ABCB1: variants seen among roughly 807,000 people sequenced by gnomAD.
ABCB1 encodes the protein ATP-dependent translocase ABCB1.
In ABCB1, 69 loss-of-function variants were observed where a neutral mutation model predicts 142.0. The ratio of observed to expected loss-of-function variants is 0.49; its 90% CI spans 0.40 to 0.59. The LOEUF (loss-of-function observed/expected upper bound fraction) is 0.59, where lower values mean the gene tolerates loss of function less well. Ranked by LOEUF, ABCB1 falls within the 20% of genes least tolerant of loss-of-function variation. The pLI, the probability that ABCB1 is intolerant of heterozygous loss-of-function variation, is 0.00. For synonymous variants in ABCB1, 532 were observed against 539.2 expected, an observed-to-expected ratio of 0.99 and a Z score of 0.18; for missense variants, 1,326 against 1,554.7, an observed-to-expected ratio of 0.85 and a Z score of 2.47.
intron 3 of ABCB1, 65 bp from the exon 4 acceptor site, chr7:87,585,745 T>C (rs1818724601): frequency 6.5e-7 from 1 of 1,548,108 alleles, no homozygotes; most frequent in Non-Finnish European, 8.8e-7. Context: ...GATTTGCTTT[T>C]CCTTCAAAAT....
At chr7:87,675,647 C>T (rs1585069307) in intron 1 of ABCB1, among the ~76,000 whole-genome samples, 1 of 54,700 alleles carries the variant, frequency 1.8e-5, no homozygotes, top group African/African-American at 9.8e-5. Context: ...ACTGAATATT[C>T]ACATGCAAAA....
chr7:87,695,227 G>C lies in ABCB1; in HGVS notation c.-331+17934C>G, dbSNP rs140554511. On this transcript the variant is annotated intron_variant, in intron 1 of 28. Coordinates refer to the ABCB1 transcript ENST00000265724. ...GATTTTAGTTAGAAAATGGATCAGT[G>C]TCATAATTTTACCTTCAAAGCTGGA... Among the ~76,000 whole-genome samples, 573 of 152,144 alleles carry C rather than the reference G, an allele frequency of 3.8e-3. 3 individuals carry two copies. Among genetic ancestry groups the C allele is most frequent in the African/African-American group, 0.013 (553 of 41,514 alleles).
intron 1 of ABCB1, among the ~76,000 whole-genome samples, chr7:87,626,099 T>TATC (rs199877301): frequency 1.0e-5 from 1 of 95,500 alleles, no homozygotes; most frequent in African/African-American, 5.3e-5. Flanking sequence ...TATATATATA[T>TATC]TGTCATATAT....
At chr7:87,675,466 T>A (rs539284573) in intron 1 of ABCB1, among the ~76,000 whole-genome samples, 77 of 152,044 alleles carry the variant, frequency 5.1e-4, no homozygotes, top group African/African-American at 1.8e-3. Flanking sequence ...TACAATGCTA[T>A]AGTAATTGAA....
At chr7:87,677,781 A>T (rs1014491846) in intron 1 of ABCB1, among the ~76,000 whole-genome samples, 3 of 152,190 alleles carry the variant, frequency 2.0e-5, no homozygotes, top group African/African-American at 7.2e-5. Context: ...TACAGCAAAA[A>T]ATCTTGAAAC....
At chr7:87,587,082 A>G (rs976460575) in intron 3 of ABCB1, among the ~76,000 whole-genome samples, 1 of 152,064 alleles carries the variant, frequency 6.6e-6, no homozygotes, top group Non-Finnish European at 1.5e-5. Context: ...GTTTTGGCAT[A>G]TTTTTTCATA....
intron 1 of ABCB1, among the ~76,000 whole-genome samples, chr7:87,637,880 C>A (rs187113681): frequency 6.6e-6 from 1 of 151,802 alleles, no homozygotes; most frequent in Admixed American, 6.6e-5. Context: ...CTTTTTCAAT[C>A]TTTATGGCTT....
rs1584911169 is a variant in ABCB1 at position 87,595,784 on chromosome 7, A to T, written c.99T>A (p.Thr33=). The stretch of plus-strand genomic sequence containing the variant: ...AACTCACCATTGAAAATACACTGAC[A>T]GTTGGTTTCTTTTCCTTCTTATCTT... The part of the protein sequence containing the change: ...SEKDKKEKKP[T]VSVFSMFRYS... The change falls in exon 3 of 28, where the codon ACT becomes ACA. Residue 33 remains threonine (T), a synonymous_variant. Coordinates refer to ENST00000622132, the MANE Select transcript of ABCB1 (RefSeq NM_001348946.2). The T allele has an allele frequency of 1.2e-6, 2 of 1,610,866 alleles. No individual in the cohort carries two copies. Among genetic ancestry groups the T allele is most frequent in the Non-Finnish European group, 1.7e-6 (2 of 1,177,630 alleles).
intron 23 of ABCB1, 73 bp from the exon 24 acceptor site, chr7:87,516,738 T>A: frequency 6.9e-7 from 1 of 1,452,732 alleles, no homozygotes; most frequent in Non-Finnish European, 9.3e-7. Context: ...CTCCTTTTTT[T>A]TTTTTTTTTT....
intron 1 of ABCB1, chr7:87,650,748 C>T (rs946943775): frequency 3.9e-5 from 33 of 845,140 alleles, no homozygotes; most frequent in Non-Finnish European, 5.6e-5. Flanking sequence ...CCCAAATTGC[C>T]TTCCTCCCAT....
chr7:87,543,477 C>T (rs538032787), intron 17 of ABCB1, among the ~76,000 whole-genome samples: 26 of 152,218 alleles, frequency 1.7e-4, no homozygotes, highest in African/African-American at 5.5e-4. Flanking sequence ...TGATCAATCT[C>T]TTTCTCCACA....
intron 1 of ABCB1, chr7:87,650,873 T>G (rs780988022): frequency 6.2e-7 from 1 of 1,613,332 alleles, no homozygotes; most frequent in East Asian, 2.2e-5. Flanking sequence ...CAATTGATGA[T>G]TCTTCTCCTG....
At chr7:87,590,043 A>G (rs1314581396) in intron 3 of ABCB1, among the ~76,000 whole-genome samples, 2 of 152,230 alleles carry the variant, frequency 1.3e-5, no homozygotes, top group Non-Finnish European at 2.9e-5. Context: ...ATTAGATGGC[A>G]AACATGACTT....
intron 1 of ABCB1, among the ~76,000 whole-genome samples, chr7:87,632,610 A>G (rs574699711): frequency 9.0e-4 from 137 of 152,264 alleles, no homozygotes; most frequent in African/African-American, 3.2e-3. Context: ...TATATTCTCT[A>G]TCGTTTAGAA....
rs527863841 is a variant in ABCB1, at chr7:87,626,861, C to T, written c.-330-25783G>A. On this transcript the variant is annotated intron_variant, in intron 1 of 28. Transcript: ENST00000265724. ...CGCAGTCTCCGCTCACTGCAACCTC[C>T]GCCTCCCGGGTTCAAACGATTCTCC... 1.7e-4 allele frequency among the ~76,000 whole-genome samples: 26 copies of T among 152,000 alleles called. 1 individual carries two copies. In the South Asian group the frequency reaches 4.2e-3, roughly 24 times the overall value.
intron 4 of ABCB1, among the ~76,000 whole-genome samples, chr7:87,571,407 C>A (rs571345822): frequency 1.3e-5 from 2 of 152,032 alleles, no homozygotes; most frequent in Non-Finnish European, 2.9e-5. Flanking sequence ...GAGAGTTTAG[C>A]CACCAGCAAT....
rs370483465 is a variant in ABCB1 at position 87,521,570 on chromosome 7, A to G, written c.2686-694T>C. On this transcript the variant is annotated intron_variant, in intron 21 of 27. Coordinates refer to ENST00000622132, the MANE Select transcript of ABCB1 (RefSeq NM_001348946.2). ...GAGAGCCTGAGGAGCCATTTTGAGC[A>G]ATGGGGAATGCTCATGGATTGCGTG... 26 of 756,216 alleles carry G rather than the reference A, an allele frequency of 3.4e-5. No homozygotes were observed. The African/African-American group carries it at 3.6e-4, about 10-fold the overall frequency. The allele number at this position is 756,216 out of a possible 1,614,324, so 46.8% of individuals were successfully genotyped here.
At chr7:87,560,409 T>C (rs1817510669) in intron 8 of ABCB1, among the ~76,000 whole-genome samples, 1 of 152,254 alleles carries the variant, frequency 6.6e-6, no homozygotes, top group Middle Eastern at 3.4e-3. Flanking sequence ...CATGTAAGTA[T>C]ACCTGAGATC....
At chr7:87,653,788 A>G (rs1426398691) in intron 1 of ABCB1, among the ~76,000 whole-genome samples, 1 of 151,938 alleles carries the variant, frequency 6.6e-6, no homozygotes, top group Non-Finnish European at 1.5e-5. Flanking sequence ...TGGAACCACC[A>G]CAGTCTTACT....
Sources: gnomAD v4.1 joint callset for allele counts (sites outside exome capture counted in the v4.1 genomes callset) on GRCh38, gnomAD v4.1.1 for gene constraint, MANE v1.5 for transcripts, NCBI Gene and HGNC (gene_info 2026-07-23, HGNC 2026-07-21) for gene names.